Variants in F13A1 observed in about 807,000 individuals in gnomAD.
The protein encoded by F13A1 is coagulation factor XIII A chain.
F13A1 carries 47 observed loss-of-function variants against 80.1 expected under a neutral mutation model. The observed-to-expected ratio is 0.59, with a 90% CI of 0.46 to 0.75. F13A1 has a LOEUF of 0.75. F13A1 is among the 30% of genes least tolerant of loss of function. The pLI, the probability that F13A1 is intolerant of heterozygous loss-of-function variation, is 0.00. For missense variants in F13A1, 817 were observed against 930.4 expected (o/e 0.88, Z 1.59); for synonymous variants, 349 against 344.9 (o/e 1.01, Z -0.13).
chr6:6,297,853 T>G (rs1048548933), intron 3 of F13A1, among the ~76,000 whole-genome samples: 4 of 150,402 alleles, frequency 2.7e-5, no homozygotes, highest in Non-Finnish European at 5.9e-5. Flanking sequence ...GTGTCAATTT[T>G]GGATCTTTCC....
intron 14 of F13A1, among the ~76,000 whole-genome samples, chr6:6,146,013 C>G (rs905158564): frequency 6.6e-6 from 1 of 152,208 alleles, no homozygotes; most frequent in African/African-American, 2.4e-5. Flanking sequence ...GGGATGCATC[C>G]GCCAGCCTCC....
At chr6:6,182,314 G>A (rs1337677925) in intron 10 of F13A1, among the ~76,000 whole-genome samples, 173 bp from the exon 11 acceptor site, 7 of 152,198 alleles carry the variant, frequency 4.6e-5, no homozygotes, top group Admixed American at 4.6e-4. Context: ...TTCTAAAGGC[G>A]AATCTAGTTG....
chr6:6,179,606 T>A (rs919528851), intron 11 of F13A1, among the ~76,000 whole-genome samples: 6 of 152,350 alleles, frequency 3.9e-5, no homozygotes, highest in South Asian at 2.1e-4. Context: ...CTTGGTGTTC[T>A]TCTCAAAACA....
intron 8 of F13A1, among the ~76,000 whole-genome samples, chr6:6,220,012 A>G (rs746159453): frequency 4.6e-5 from 7 of 152,228 alleles, no homozygotes; most frequent in Non-Finnish European, 1.0e-4. Context: ...AAAGAGGCAC[A>G]GAGAGGTTGT....
intron 13 of F13A1, 111 bp downstream of exon 13, chr6:6,167,347 G>A: frequency 1.4e-6 from 1 of 693,730 alleles, no homozygotes; most frequent in East Asian, 3.8e-5. Flanking sequence ...TTTTTTTTTT[G>A]AGCAGGACAT....
chr6:6,205,410 G>A (rs961823870), intron 8 of F13A1, among the ~76,000 whole-genome samples: 1 of 152,180 alleles, frequency 6.6e-6, no homozygotes, highest in African/African-American at 2.4e-5. Flanking sequence ...AACGCTAAAT[G>A]CAGTTCTACC....
chr6:6,250,928 A>C lies in F13A1; in HGVS notation c.573T>G (p.Asp191Glu). Residue 191 changes from aspartate (D) to glutamate (E), a missense_variant and splice_region_variant, in exon 5 of 15, where the codon GAT becomes GAG. By Grantham distance (45) the Asp-to-Glu change is conservative. Transcript: ENST00000264870. This position sits in a 1 kb window ranked among gnomAD's most constrained non-coding sequence, Gnocchi z 4.2. Reference protein sequence around the residue: ...TYILFNPWCEDDAVYLDNEKE... With the variant: ...TYILFNPWCEEDAVYLDNEKE... ...TCTCATTGTCCAGATACACAGCATC[A>C]TCTGCATCAGGGTTTAAACATAGTG... is the stretch of plus-strand genomic sequence containing the variant. 3 of 1,595,892 alleles carry C rather than the reference A, an allele frequency of 1.9e-6. No individual in the cohort carries two copies. Among genetic ancestry groups the C allele is most frequent in the Non-Finnish European group, 2.6e-6 (3 of 1,164,048 alleles).
In F13A1 at chr6:6,306,624, A is replaced by T. The variant is rs370300367; in HGVS notation, c.131-1085T>A. On this transcript the variant is annotated intron_variant, in intron 2 of 14. Coordinates refer to ENST00000264870, the MANE Select transcript of F13A1 (RefSeq NM_000129.4). ...ATCTAGTCTAGAGACTGGTTTCTGC[A>T]TGTGCATTTGGCATTGTAAAGAGTT... Among the ~76,000 whole-genome samples, 25 of 152,194 alleles carry T rather than the reference A, an allele frequency of 1.6e-4. 1 individual carries two copies. The South Asian group carries it at 5.0e-3, about 30-fold the overall frequency.
chr6:6,274,580 A>C (rs1757963210), intron 3 of F13A1, among the ~76,000 whole-genome samples: 1 of 152,206 alleles, frequency 6.6e-6, no homozygotes, highest in African/African-American at 2.4e-5. Context: ...GAAAATACGA[A>C]CAGCATTGAG....
intron 3 of F13A1, among the ~76,000 whole-genome samples, chr6:6,296,383 G>A (rs1468961682): frequency 2.5e-4 from 36 of 145,408 alleles, no homozygotes; most frequent in Non-Finnish European, 3.9e-4. Flanking sequence ...CATGAGCATG[G>A]AATGTTCTTC....
At chr6:6,181,498 A>C (rs1583058806) in intron 11 of F13A1, among the ~76,000 whole-genome samples, 1 of 152,324 alleles carries the variant, frequency 6.6e-6, no homozygotes, top group East Asian at 1.9e-4. Flanking sequence ...AATTGTCCTG[A>C]GTTAGAGAGA....
At chr6:6,166,133 G>T (rs574397573) in intron 13 of F13A1, among the ~76,000 whole-genome samples, 2 of 152,266 alleles carry the variant, frequency 1.3e-5, no homozygotes, top group African/African-American at 4.8e-5. Context: ...GCCCAGCTCC[G>T]CCATTTGCTG....
chr6:6,166,133 G>A (rs574397573), intron 13 of F13A1, among the ~76,000 whole-genome samples: 4 of 152,266 alleles, frequency 2.6e-5, no homozygotes, highest in South Asian at 4.1e-4. Flanking sequence ...GCCCAGCTCC[G>A]CCATTTGCTG....
At chr6:6,300,908 C>T (rs143773019) in intron 3 of F13A1, among the ~76,000 whole-genome samples, 27 of 151,878 alleles carry the variant, frequency 1.8e-4, no homozygotes, top group African/African-American at 6.0e-4. Context: ...GATTGTAAAA[C>T]GTTAGCTAAA....
intron 13 of F13A1, among the ~76,000 whole-genome samples, chr6:6,166,391 T>C (rs1265735353): frequency 6.6e-6 from 1 of 152,214 alleles, no homozygotes; most frequent in East Asian, 1.9e-4. Flanking sequence ...AAGGACTACC[T>C]ACCCTCACCC....
At chr6:6,255,339 G>A (rs1043073850) in intron 4 of F13A1, among the ~76,000 whole-genome samples, 5 of 152,108 alleles carry the variant, frequency 3.3e-5, no homozygotes, top group Non-Finnish European at 5.9e-5. Context: ...ACATCCTTGT[G>A]AGGAAAGTAG....
chr6:6,273,867 T>C (rs1369877666), intron 3 of F13A1, among the ~76,000 whole-genome samples: 1 of 152,044 alleles, frequency 6.6e-6, no homozygotes, highest in Non-Finnish European at 1.5e-5. Context: ...CTCTTAGAAA[T>C]ACCAGGTTAC....
In F13A1 at chr6:6,221,792, C is replaced by CT. The variant is rs568869279; in HGVS notation, c.1112+240dup. Among the ~76,000 whole-genome samples the CT allele has an allele frequency of 1.3e-4, 20 of 152,154 alleles. No individual in the cohort carries two copies. The East Asian group carries it at 3.9e-3, about 29-fold the overall frequency. The stretch of plus-strand genomic sequence containing the variant: ...CATATGCAGCAGCTAAAACTATGAC[C>CT]TTTTTTTGGTGGTTGCTATTATAAG... On this transcript the variant is annotated intron_variant, in intron 8 of 14. Coordinates refer to ENST00000264870, the MANE Select transcript of F13A1 (RefSeq NM_000129.4).
At chr6:6,226,968 C>T (rs1757284823) in intron 6 of F13A1, among the ~76,000 whole-genome samples, 1 of 147,640 alleles carries the variant, frequency 6.8e-6, no homozygotes, top group African/African-American at 2.4e-5. Context: ...GGCAAACTGG[C>T]CAGAAAAGGC....
Sources: allele counts gnomAD v4.1 joint callset (sites outside exome capture counted in the v4.1 genomes callset), GRCh38; gene constraint gnomAD v4.1.1; non-coding constraint Gnocchi (gnomAD v3.1); transcripts MANE v1.5; gene names NCBI Gene and HGNC (gene_info 2026-07-23, HGNC 2026-07-21).